The following TRIM61 variants were observed in gnomAD, a reference collection of about 807,000 sequenced individuals.
The protein encoded by TRIM61 is tripartite motif containing 61, also known as putative tripartite motif-containing protein 61.
TRIM61 carries 1 observed loss-of-function variant against 14.2 expected under a neutral mutation model. The observed-to-expected ratio is 0.07, with a 90% CI of 0.03 to 0.33. The LOEUF is 0.33. Among genes scored for constraint, TRIM61 ranks in the 10% least tolerant of loss-of-function variants. The pLI, the probability that TRIM61 is intolerant of heterozygous loss-of-function variation, is 0.99. For synonymous variants in TRIM61, 8 were observed against 71.6 expected (o/e 0.11, Z 4.49); for missense variants, 19 against 202.2 (o/e 0.09, Z 5.49).
At chr4:164,968,152 G>A in intron 3 of TRIM61, 129 bp downstream of exon 3, 3 of 984,764 alleles carry the variant, frequency 3.0e-6, no homozygotes, top group Non-Finnish European at 3.6e-6. Flanking sequence ...GGGGAGGGGA[G>A]GGGAGAAGAG....
At chr4:164,967,273 C>T (rs1336565013) in intron 3 of TRIM61, among the ~76,000 whole-genome samples, 1 of 152,210 alleles carries the variant, frequency 6.6e-6, no homozygotes. Context: ...GTTATGTCTA[C>T]TGACATGTTG....
At chr4:164,957,054 G>C in intron 3 of TRIM61, 1 of 1,515,806 alleles carries the variant, frequency 6.6e-7, no homozygotes, top group Non-Finnish European at 8.8e-7. Flanking sequence ...CGGGGCAGCT[G>C]TCCTCTTCTC....
At chr4:164,968,561 T>C (rs1732291757) in intron 3 of TRIM61, 2 of 985,770 alleles carry the variant, frequency 2.0e-6, no homozygotes, top group Non-Finnish European at 2.4e-6. Flanking sequence ...GTCTACTAGG[T>C]GAAAGAAACT....
intron 3 of TRIM61, chr4:164,956,919 T>C (rs1732004611): frequency 1.7e-6 from 2 of 1,150,064 alleles, no homozygotes; most frequent in Non-Finnish European, 2.4e-6. Context: ...GGCAGAGCAG[T>C]GATTGGGTGC....
intron 3 of TRIM61, chr4:164,957,290 A>G (rs770597096): frequency 3.6e-5 from 58 of 1,614,058 alleles, no homozygotes; most frequent in Middle Eastern, 3.3e-4. Flanking sequence ...GTGCCCTGTC[A>G]GCCGCTCATG....
chr4:164,959,717 G>C (rs1295925078), intron 3 of TRIM61, among the ~76,000 whole-genome samples: 1 of 152,106 alleles, frequency 6.6e-6, no homozygotes, highest in African/African-American at 2.4e-5. Context: ...AAATTAAAGA[G>C]ACATATCACT....
At chr4:164,957,466 C>A in intron 3 of TRIM61, 1 of 1,613,546 alleles carries the variant, frequency 6.2e-7, no homozygotes, top group South Asian at 1.1e-5. Flanking sequence ...CTGCAGTGGG[C>A]TGGCTCCCGC....
Position 164,969,134 on chromosome 4 carries a change from A to C in TRIM61, c.525+344T>G, listed in dbSNP as rs1410563329. The C allele has an allele frequency of 3.6e-6, 4 of 1,123,566 alleles. No individual in the cohort carries two copies. The African/African-American group carries it at 6.7e-5, about 19-fold the overall frequency. 69.6% of individuals were successfully genotyped at this position (1,123,566 alleles called of 1,614,324 possible). A position where few individuals can be genotyped will look rare whatever the true frequency, so the allele number is the denominator to read the frequency against. ...AATTACATCTACTTGAAATCGCTTG[A>C]TAATTTTGTCTAGGCCAGAATATTG... On this transcript the variant is annotated intron_variant, in intron 3 of 4. Transcript: ENST00000329314.
chr4:164,968,314 T>C (rs1413517602), intron 3 of TRIM61: 2 of 961,056 alleles, frequency 2.1e-6, no homozygotes, highest in African/African-American at 3.5e-5. Context: ...TTATTGGCAA[T>C]TACAAAAGTA....
At chr4:164,970,430 T>A (rs4055645) in intron 2 of TRIM61, 91 bp from the exon 3 acceptor site, 1 of 179,296 alleles carries the variant, frequency 5.6e-6, no homozygotes, top group Non-Finnish European at 1.2e-5. Context: ...GCTAAAATCA[T>A]GGGGTGGAAG....
At position 164,955,000 on chromosome 4, in the gene TRIM61, C is replaced by A; in HGVS notation, c.622G>T (p.Gly208Cys). The A allele has an allele frequency of 3.3e-6, 1 of 299,066 alleles. No homozygotes were observed. Among genetic ancestry groups the A allele is most frequent in the South Asian group, 2.6e-5 (1 of 39,154 alleles). The allele number at this position is 299,066 out of a possible 1,614,324, so 18.5% of individuals were successfully genotyped here. ...CCTGTAGTCCCAGCTACTCAGGAGCCAGAGGCAGAAGAATCGCTTGATCCC... is the reference window on the plus strand; with the variant it reads ...CCTGTAGTCCCAGCTACTCAGGAGCAAGAGGCAGAAGAATCGCTTGATCCC... The change falls in exon 4 of 5, where the codon GGC becomes TGC. Residue 208 changes from glycine to cysteine, a missense_variant. By Grantham distance (159) the Gly-to-Cys change is radical (BLOSUM62 -3). Coordinates refer to ENST00000329314, the MANE Select transcript of TRIM61 (RefSeq NM_001012414.3).
At chr4:164,957,143 G>T (rs1214017734) in intron 3 of TRIM61, 2 of 1,607,128 alleles carry the variant, frequency 1.2e-6, no homozygotes, top group South Asian at 2.2e-5. Context: ...CAGGGCTTCG[G>T]GTCTCCCTAA....
At chr4:164,961,188 A>AAAAAAAAAAAAAAAAAAAC (rs1732129544) in intron 3 of TRIM61, among the ~76,000 whole-genome samples, 1 of 141,674 alleles carries the variant, frequency 7.1e-6, no homozygotes, top group South Asian at 2.3e-4. Flanking sequence ...AAAAAAAAAA[A>AAAAAAAAAAAAAAAAAAAC]AAAAAGAAAG....
intron 3 of TRIM61, chr4:164,968,995 G>A: frequency 9.7e-7 from 1 of 1,034,786 alleles, no homozygotes; most frequent in Non-Finnish European, 1.2e-6. Flanking sequence ...GAACAGCTGG[G>A]AGGAGATAAA....
intron 2 of TRIM61, among the ~76,000 whole-genome samples, chr4:164,975,565 A>C (rs1241802439): frequency 6.6e-6 from 1 of 152,246 alleles, no homozygotes; most frequent in Admixed American, 6.5e-5. Context: ...ATCAAGGTTT[A>C]AGGGATCTAG....
chr4:164,974,757 C>A (rs1376073852), intron 2 of TRIM61, among the ~76,000 whole-genome samples: 1 of 152,130 alleles, frequency 6.6e-6, no homozygotes. Context: ...AATACTGTCT[C>A]TTACAAACCA....
At chr4:164,965,247 C>T (rs1732212312) in intron 3 of TRIM61, among the ~76,000 whole-genome samples, 1 of 151,850 alleles carries the variant, frequency 6.6e-6, no homozygotes, top group Non-Finnish European at 1.5e-5. Context: ...GAGATTGCAC[C>T]ACTGCACTCC....
intron 2 of TRIM61, among the ~76,000 whole-genome samples, chr4:164,974,895 T>C (rs991320909): frequency 6.6e-6 from 1 of 152,048 alleles, no homozygotes; most frequent in African/African-American, 2.4e-5. Flanking sequence ...TGAGGTTGCA[T>C]AGGGTGCTCA....
At chr4:164,968,731 C>G in intron 3 of TRIM61, 2 of 982,378 alleles carry the variant, frequency 2.0e-6, no homozygotes, top group Non-Finnish European at 2.4e-6. Flanking sequence ...AAACTTCATT[C>G]ATTTCATAGT....
Sources: gnomAD v4.1 joint callset for allele counts (sites outside exome capture counted in the v4.1 genomes callset) on GRCh38, gnomAD v4.1.1 for gene constraint, MANE v1.5 for transcripts, NCBI Gene and HGNC (gene_info 2026-07-23, HGNC 2026-07-21) for gene names.